Variants in NRXN3 observed in about 807,000 individuals in gnomAD.
NRXN3 encodes the protein neurexin III.
A neutral mutation model predicts 137.6 loss-of-function variants in NRXN3; 32 were observed. That is an observed-to-expected ratio of 0.23 (90% confidence interval 0.18 to 0.31). The LOEUF (loss-of-function observed/expected upper bound fraction) is 0.31, where lower values mean the gene tolerates loss of function less well. Among genes scored for constraint, NRXN3 ranks in the 10% least tolerant of loss-of-function variants. NRXN3 has a pLI of 1.00. For missense variants in NRXN3, 1,574 were observed against 2,062.5 expected, an observed-to-expected ratio of 0.76 and a Z score of 4.59; for synonymous variants, 798 against 784.5, an observed-to-expected ratio of 1.02 and a Z score of -0.29.
At chr14:78,651,016 C>T (rs2097736682) in intron 5 of NRXN3, 149 bp from the exon 6 acceptor site, 2 of 745,194 alleles carry the variant, frequency 2.7e-6, no homozygotes, top group African/African-American at 3.6e-5. Flanking sequence ...TGGAACTTGG[C>T]TGCACATACC....
chr14:78,574,562 G>A (rs533221168), intron 4 of NRXN3, among the ~76,000 whole-genome samples: 5 of 152,324 alleles, frequency 3.3e-5, no homozygotes, highest in East Asian at 3.9e-4. Context: ...TAACTGCCCC[G>A]CTGGATTTTG....
In NRXN3 at chr14:79,379,771, C is replaced by T. The variant is rs558436116; in HGVS notation, c.3263-87450C>T. On this transcript the variant is annotated intron_variant, in intron 15 of 20. Coordinates refer to ENST00000335750, the MANE Select transcript of NRXN3 (RefSeq NM_001330195.2). ...GTTTAACTGGCTGTTTGGCCACTTT[C>T]CCCCACTCTAATTCTCCTTCTCCTT... 2.2e-4 allele frequency among the ~76,000 whole-genome samples: 34 copies of T among 152,222 alleles called. 1 individual carries two copies. The highest frequency in any genetic ancestry group is 7.9e-4 in the African/African-American group (33 of 41,550).
At chr14:78,623,292 A>G (rs1423614474) in intron 4 of NRXN3, among the ~76,000 whole-genome samples, 1 of 152,232 alleles carries the variant, frequency 6.6e-6, no homozygotes, top group African/African-American at 2.4e-5. Flanking sequence ...TCTTTTCAGT[A>G]GAAAGGGAGA....
At chr14:78,988,831 T>C (rs966543728) in intron 15 of NRXN3, among the ~76,000 whole-genome samples, 2 of 152,152 alleles carry the variant, frequency 1.3e-5, no homozygotes, top group African/African-American at 4.8e-5. Flanking sequence ...GTATATTTTA[T>C]ATGTATATAT....
chr14:79,324,807 G>C (rs113738341), intron 15 of NRXN3, among the ~76,000 whole-genome samples: 10 of 152,248 alleles, frequency 6.6e-5, no homozygotes, highest in East Asian at 3.9e-4. Context: ...AAGCTTTCTT[G>C]TATCAATGTA....
At chr14:78,717,642 G>A (rs2098440226) in intron 8 of NRXN3, among the ~76,000 whole-genome samples, 1 of 152,076 alleles carries the variant, frequency 6.6e-6, no homozygotes, top group Admixed American at 6.5e-5. Context: ...CCTTAGTGGA[G>A]ACTCTTTTGA....
chr14:79,358,601 A>AAGACAG (rs1200906826), intron 15 of NRXN3, among the ~76,000 whole-genome samples: 2 of 96,780 alleles, frequency 2.1e-5, no homozygotes, highest in African/African-American at 7.0e-5. Context: ...GAAAGAAAGA[A>AAGACAG]AGAAAGAGAA....
chr14:79,092,848 A>G (rs768163731), intron 15 of NRXN3, among the ~76,000 whole-genome samples: 7 of 152,148 alleles, frequency 4.6e-5, no homozygotes, highest in Non-Finnish European at 8.8e-5. Flanking sequence ...GTTTTATAGT[A>G]AAAAGATCAA....
rs2063910182 is a variant in NRXN3, at chr14:79,189,165, A to T, written c.3262+201024A>T. Reference sequence around the variant, plus strand: ...ATGTCCAACAATGATAGACTGGATTAAGAAAATGTGGCACATATACACCAT... The same window carrying T: ...ATGTCCAACAATGATAGACTGGATTTAGAAAATGTGGCACATATACACCAT... On this transcript the variant is annotated intron_variant, in intron 15 of 20. Coordinates refer to ENST00000335750, the MANE Select transcript of NRXN3 (RefSeq NM_001330195.2). Among the ~76,000 whole-genome samples the T allele has an allele frequency of 3.3e-5, 5 of 152,084 alleles. No homozygotes were observed. In the South Asian group the frequency reaches 1.0e-3, roughly 32 times the overall value.
chr14:78,510,119 A>C (rs2096074946), intron 4 of NRXN3, among the ~76,000 whole-genome samples: 1 of 151,440 alleles, frequency 6.6e-6, no homozygotes, highest in African/African-American at 2.4e-5. Flanking sequence ...CTTTAGAGAC[A>C]GAGAACTTGG....
chr14:78,312,452 C>T (rs1390149417), intron 4 of NRXN3, among the ~76,000 whole-genome samples: 1 of 152,142 alleles, frequency 6.6e-6, no homozygotes, highest in Non-Finnish European at 1.5e-5. Context: ...ATGTTGAGTG[C>T]AATAAAGATG....
At position 78,645,171 on chromosome 14, in the gene NRXN3, A is replaced by T; in HGVS notation, c.809A>T (p.Asp270Val). Residue 270 changes from aspartate (D) to valine (V), a missense_variant, in exon 5 of 21, where the codon GAC (aspartate) becomes GTC (valine). Physicochemically the swap from Asp to Val is radical, Grantham distance 152. Around this residue, in one of 5 missense-constraint regions of NRXN3, gnomAD observed 400 missense variants for 527.3 expected, o/e 0.76. Transcript: ENST00000335750. ...CGAGGCTCAGAGTATCTGTGCTACG[A>T]CCTGTCTCAGAACCCGATCCAGAGC... is the stretch of plus-strand genomic sequence containing the variant. ...TFRGSEYLCY[D>V]LSQNPIQSSS... The T allele has an allele frequency of 6.3e-7, 1 of 1,591,724 alleles. No homozygotes were observed. The highest frequency in any genetic ancestry group is 8.5e-7 in the Non-Finnish European group (1 of 1,176,390).
Position 78,170,396 on chromosome 14 carries a change from C to G in NRXN3, c.-982C>G, listed in dbSNP as rs898376421. The G allele has an allele frequency of 3.3e-5, 5 of 152,286 alleles. No homozygotes were observed. Among genetic ancestry groups the G allele is most frequent in the African/African-American group, 9.7e-5 (4 of 41,416 alleles). 9.4% of individuals were successfully genotyped at this position (152,286 alleles called of 1,614,324 possible). A position where few individuals can be genotyped will look rare whatever the true frequency, so the allele number is the denominator to read the frequency against. On this transcript the variant is annotated 5_prime_UTR_variant, in exon 1 of 21. Coordinates refer to ENST00000335750, the MANE Select transcript of NRXN3 (RefSeq NM_001330195.2). The stretch of plus-strand genomic sequence containing the variant: ...GCAGTCTCAGGCTCAGCGCTCAGCC[C>G]TACACATCGCCTCTTGCATGCAACT...
intron 15 of NRXN3, among the ~76,000 whole-genome samples, chr14:79,151,554 C>A (rs1219914366): frequency 2.6e-5 from 4 of 152,022 alleles, no homozygotes; most frequent in African/African-American, 9.7e-5. Flanking sequence ...TTGGTGCTGT[C>A]CTGGAAACTG....
intron 4 of NRXN3, chr14:78,300,702 CT>C: frequency 6.6e-7 from 1 of 1,517,000 alleles, no homozygotes; most frequent in Non-Finnish European, 8.9e-7. Flanking sequence ...GTAGAGCTCA[CT>C]TTATTTTTAT....
At chr14:78,730,689 A>C (rs1370459358) in intron 8 of NRXN3, among the ~76,000 whole-genome samples, 1 of 152,178 alleles carries the variant, frequency 6.6e-6, no homozygotes, top group East Asian at 1.9e-4. Context: ...TCTAACCTGG[A>C]AGTCATCTCC....
chr14:79,190,187 A>C (rs80320296), intron 15 of NRXN3, among the ~76,000 whole-genome samples: 5,393 of 152,250 alleles, frequency 0.035, 224 homozygotes, highest in East Asian at 0.21. Flanking sequence ...TTTCAGATTA[A>C]GTTGAAAAGG....
At chr14:79,850,735 G>T (rs1324906454) in intron 20 of NRXN3, among the ~76,000 whole-genome samples, 1 of 152,116 alleles carries the variant, frequency 6.6e-6, no homozygotes, top group East Asian at 1.9e-4. Context: ...AAAACCTAGT[G>T]TAGATAGCTA....
intron 1 of NRXN3, among the ~76,000 whole-genome samples, chr14:78,187,004 C>A (rs1455698890): frequency 3.9e-5 from 6 of 152,174 alleles, no homozygotes; most frequent in Non-Finnish European, 8.8e-5. Flanking sequence ...TGGACATGTG[C>A]ATGCTTCTTT....
Sources: gnomAD v4.1 joint callset for allele counts (sites outside exome capture counted in the v4.1 genomes callset) on GRCh38, gnomAD v4.1.1 for gene constraint, gnomAD v4.1.1 regional missense constraint, MANE v1.5 for transcripts, NCBI Gene and HGNC (gene_info 2026-07-23, HGNC 2026-07-21) for gene names.